SRRM4: variants seen among roughly 807,000 people sequenced by gnomAD.
SRRM4 encodes serine/arginine repetitive matrix protein 4.
SRRM4 carries 33 observed loss-of-function variants against 68.9 expected under a neutral mutation model. That is an observed-to-expected ratio of 0.48 (90% CI 0.36 to 0.64). SRRM4 has a LOEUF of 0.64. Ranked by LOEUF, SRRM4 falls within the 30% of genes least tolerant of loss-of-function variation. The pLI is 0.00. For missense variants in SRRM4, 817 were observed against 827.1 expected (o/e 0.99, Z 0.15); for synonymous variants, 318 against 318.8 (o/e 1.00, Z 0.03).
chr12:119,067,903 T>A (rs1207092170), intron 1 of SRRM4, among the ~76,000 whole-genome samples: 3 of 152,176 alleles, frequency 2.0e-5, no homozygotes, highest in African/African-American at 7.2e-5. Flanking sequence ...CACATAAAGC[T>A]CTTAGCACTT....
intron 1 of SRRM4, among the ~76,000 whole-genome samples, chr12:119,094,582 T>C (rs1042976722): frequency 2.0e-5 from 3 of 152,232 alleles, no homozygotes; most frequent in Non-Finnish European, 4.4e-5. Flanking sequence ...TCCACTGCTT[T>C]GTCTTGGTGC....
At chr12:119,063,103 A>G (rs1341442168) in intron 1 of SRRM4, among the ~76,000 whole-genome samples, 1 of 152,222 alleles carries the variant, frequency 6.6e-6, no homozygotes. Flanking sequence ...TAAATAATTC[A>G]TTTAGAAAAC....
rs1267406551 is a variant in SRRM4 at position 119,162,650 on chromosome 12, T to A, written c.*5852T>A. On this transcript the variant is annotated 3_prime_UTR_variant, in exon 13 of 13. Coordinates refer to ENST00000267260, the MANE Select transcript of SRRM4 (RefSeq NM_194286.4). ...TAAGAACTTCTCTCTGCACTGTATTTTTTTTTCTCCCAATTCTTAGCTATT... is the reference window on the plus strand; with the variant it reads ...TAAGAACTTCTCTCTGCACTGTATTATTTTTTCTCCCAATTCTTAGCTATT... 6.6e-6 allele frequency: 1 copy of A among 152,182 alleles called. No homozygotes were observed. The highest frequency in any genetic ancestry group is 1.5e-5 in the Non-Finnish European group (1 of 68,036). The allele number at this position is 152,182 out of a possible 1,614,324, so 9.4% of individuals were successfully genotyped here.
chr12:119,146,177 A>G (rs1338343562), intron 9 of SRRM4, among the ~76,000 whole-genome samples: 1 of 152,170 alleles, frequency 6.6e-6, no homozygotes, highest in Admixed American at 6.5e-5. Flanking sequence ...ACTAGGGCTA[A>G]TGAGTCGAAC....
At chr12:119,119,505 G>A (rs986530518) in intron 4 of SRRM4, among the ~76,000 whole-genome samples, 1 of 151,564 alleles carries the variant, frequency 6.6e-6, no homozygotes, top group African/African-American at 2.4e-5. Flanking sequence ...AATGTTACAA[G>A]GAGAAGACGG....
At chr12:119,125,294 A>C in intron 6 of SRRM4, 87 bp from the exon 7 acceptor site, 1 of 1,240,754 alleles carries the variant, frequency 8.1e-7, no homozygotes, top group Admixed American at 1.9e-5. Context: ...CAAAGGAAAA[A>C]CGGGTGTCAC....
chr12:119,149,984 T>C (rs1240595252), intron 9 of SRRM4, among the ~76,000 whole-genome samples: 1 of 152,140 alleles, frequency 6.6e-6, no homozygotes, highest in Non-Finnish European at 1.5e-5. Flanking sequence ...GAAGCCTCTG[T>C]CTTTTGGGAG....
intron 1 of SRRM4, among the ~76,000 whole-genome samples, chr12:119,063,660 A>T (rs570474095): frequency 6.6e-6 from 1 of 152,320 alleles, no homozygotes; most frequent in East Asian, 1.9e-4. Context: ...GTATTAATTA[A>T]CAGCCTTAAT....
At chr12:119,062,210 G>C (rs1047503502) in intron 1 of SRRM4, among the ~76,000 whole-genome samples, 2 of 152,156 alleles carry the variant, frequency 1.3e-5, no homozygotes, top group Non-Finnish European at 2.9e-5. Flanking sequence ...CAGTAGAAAA[G>C]ATTTTAAAAG....
At chr12:119,102,564 C>CT (rs1954083783) in intron 2 of SRRM4, among the ~76,000 whole-genome samples, 182 bp downstream of exon 2, 1 of 152,184 alleles carries the variant, frequency 6.6e-6, no homozygotes, top group African/African-American at 2.4e-5. Context: ...TGGTTTCTGT[C>CT]ACAACTACTC....
chr12:119,099,353 C>T (rs919142969), intron 1 of SRRM4, among the ~76,000 whole-genome samples: 15 of 152,182 alleles, frequency 9.9e-5, no homozygotes, highest in African/African-American at 3.4e-4. Flanking sequence ...AGGCTGGTCT[C>T]AAACTCCTGA....
chr12:119,108,825 A>G (rs1408717922), intron 2 of SRRM4, among the ~76,000 whole-genome samples: 1 of 152,076 alleles, frequency 6.6e-6, no homozygotes, highest in African/African-American at 2.4e-5. Context: ...TTTACATTTT[A>G]AGGTTAATAT....
At chr12:119,005,705 T>C (rs757940492) in intron 1 of SRRM4, among the ~76,000 whole-genome samples, 5 of 152,222 alleles carry the variant, frequency 3.3e-5, no homozygotes, top group Non-Finnish European at 7.3e-5. Context: ...ATTAATTGCT[T>C]AAAGCAGTGC....
At chr12:119,137,726 T>A (rs7294357) in intron 8 of SRRM4, among the ~76,000 whole-genome samples, 5,829 of 151,970 alleles carry the variant, frequency 0.038, 388 homozygotes, top group African/African-American at 0.13. Context: ...ATGAAAAACA[T>A]TTTGTATTTA....
intron 1 of SRRM4, chr12:118,989,649 G>C (rs1953303675): frequency 6.6e-6 from 1 of 151,950 alleles, no homozygotes; most frequent in Admixed American, 6.6e-5. Context: ...AGATGTCATA[G>C]AGACAAAGCC....
chr12:119,135,116 T>C (rs1954320078), intron 8 of SRRM4, among the ~76,000 whole-genome samples: 1 of 152,108 alleles, frequency 6.6e-6, no homozygotes, highest in African/African-American at 2.4e-5. Context: ...GGGGAACTGT[T>C]ATGAGTTGTG....
At position 119,117,912 on chromosome 12, in the gene SRRM4, AAAACAAAC is replaced by A. The variant is rs35121840; in HGVS notation, c.437+924_437+931del. 6.9e-3 allele frequency among the ~76,000 whole-genome samples: 1,042 copies of A among 152,062 alleles called. 12 individuals carry two copies. The highest frequency in any genetic ancestry group is 0.023 in the African/African-American group (956 of 41,470). The stretch of plus-strand genomic sequence containing the variant: ...GGCAGCAGAGTGAGACTCTGTCTAA[AAAACAAAC>A]AAACAAACAAACAAACAAAGGATAT... On this transcript the variant is annotated intron_variant, in intron 4 of 12. Coordinates refer to ENST00000267260, the MANE Select transcript of SRRM4 (RefSeq NM_194286.4).
chr12:119,094,739 G>A (rs1954033069), intron 1 of SRRM4, among the ~76,000 whole-genome samples: 2 of 152,338 alleles, frequency 1.3e-5, no homozygotes, highest in South Asian at 4.1e-4. Context: ...GCCCCCGTAA[G>A]CCTCTCTCTA....
chr12:119,138,935 G>A (rs966596565), intron 8 of SRRM4, among the ~76,000 whole-genome samples: 1 of 152,130 alleles, frequency 6.6e-6, no homozygotes, highest in African/African-American at 2.4e-5. Flanking sequence ...TGGTGTAAGG[G>A]TTCCAGCTCT....
Sources: allele counts gnomAD v4.1 joint callset (sites outside exome capture counted in the v4.1 genomes callset), GRCh38; gene constraint gnomAD v4.1.1; transcripts MANE v1.5; gene names NCBI Gene and HGNC (gene_info 2026-07-23, HGNC 2026-07-21).